The following UQCC1 variants were observed in gnomAD, a reference collection of about 807,000 sequenced individuals.
UQCC1 encodes the protein ubiquinol-cytochrome c reductase complex assembly factor 1.
Under a neutral mutation model 48.0 loss-of-function variants are expected in UQCC1, and 38 were observed. That is an observed-to-expected ratio of 0.79 (90% CI 0.61 to 1.04). The LOEUF (loss-of-function observed/expected upper bound fraction) is 1.04, where lower values mean the gene tolerates loss of function less well. Among genes scored for constraint, UQCC1 ranks in the 50% least tolerant of loss-of-function variants. The pLI, the probability that UQCC1 is intolerant of heterozygous loss-of-function variation, is 0.00. For missense variants in UQCC1, 368 were observed against 381.8 expected, an observed-to-expected ratio of 0.96 and a Z score of 0.30; for synonymous variants, 111 against 129.2, an observed-to-expected ratio of 0.86 and a Z score of 0.95.
chr20:35,304,131 G>T, intron 9 of UQCC1, 62 bp from the exon 10 acceptor site: 1 of 1,605,564 alleles, frequency 6.2e-7, no homozygotes, highest in Non-Finnish European at 8.5e-7. Flanking sequence ...AGGAGCCAGC[G>T]TCAGGAACCA....
intron 1 of UQCC1, among the ~76,000 whole-genome samples, chr20:35,410,725 C>T (rs7353185): frequency 4.5e-5 from 1 of 22,358 alleles, no homozygotes; most frequent in Non-Finnish European, 8.0e-5. Context: ...AAAAAAAAAA[C>T]AAAACCCTAA....
chr20:35,318,099 A>AT (rs1183217818), intron 7 of UQCC1, among the ~76,000 whole-genome samples: 2 of 152,236 alleles, frequency 1.3e-5, no homozygotes, highest in Non-Finnish European at 2.9e-5. Flanking sequence ...AACGGATGAT[A>AT]TCAGAGGTGT....
At position 35,347,151 on chromosome 20, in the gene UQCC1, A is replaced by G. The variant is rs1026142671; in HGVS notation, c.573+13T>C. 6.8e-6 allele frequency: 11 copies of G among 1,614,102 alleles called. No individual in the cohort carries two copies. The African/African-American group carries it at 1.2e-4, about 18-fold the overall frequency. On this transcript the variant is annotated intron_variant, in intron 7 of 9. Transcript: ENST00000374385. ...GAATTGTCCAGGACAAGCATCTGAC[A>G]GCACTCACTTACCCCCATGACTCTG...
chr20:35,376,565 C>A (rs775537158), intron 4 of UQCC1, among the ~76,000 whole-genome samples: 2 of 152,112 alleles, frequency 1.3e-5, no homozygotes, highest in Non-Finnish European at 2.9e-5. Flanking sequence ...CATGAACAGT[C>A]TTGTATCTAT....
Position 35,406,176 on chromosome 20 carries a change from A to C in UQCC1, c.24+5764T>G, listed in dbSNP as rs115253973. Among the ~76,000 whole-genome samples, 638 of 152,334 alleles carry C rather than the reference A, an allele frequency of 4.2e-3. 8 individuals carry two copies. Among genetic ancestry groups the C allele is most frequent in the African/African-American group, 0.015 (617 of 41,584 alleles). On this transcript the variant is annotated intron_variant, in intron 1 of 9. Transcript: ENST00000374385. ...TATGTATAATTAGAGTCTCAGAAGG[A>C]AAGAAAAGGACCGAAAAATATTTGA...
At chr20:35,305,531 A>G (rs939278987) in intron 9 of UQCC1, among the ~76,000 whole-genome samples, 1 of 152,254 alleles carries the variant, frequency 6.6e-6, no homozygotes, top group Non-Finnish European at 1.5e-5. Flanking sequence ...AGTCCAGTCA[A>G]CAGAGTATCA....
At chr20:35,363,390 T>C (rs1229863707) in intron 6 of UQCC1, among the ~76,000 whole-genome samples, 1 of 152,200 alleles carries the variant, frequency 6.6e-6, no homozygotes, top group Admixed American at 6.5e-5. Flanking sequence ...CAGTCAATAC[T>C]AATCTTGTTC....
chr20:35,411,899 G>T, intron 1 of UQCC1, 41 bp downstream of exon 1: 2 of 1,613,956 alleles, frequency 1.2e-6, no homozygotes, highest in Non-Finnish European at 1.7e-6. Flanking sequence ...CTCCAACCCG[G>T]GACCCAGAGA....
chr20:35,385,244 C>G lies in UQCC1; in HGVS notation c.130-1111G>C, dbSNP rs181897556. ...TATAAAGTGCCTTTCACAAAATAGG[C>G]ACTCAATAAATAGCAGAAGTTTCCA... On this transcript the variant is annotated intron_variant, in intron 2 of 9. Transcript: ENST00000374385. Among the ~76,000 whole-genome samples the G allele has an allele frequency of 2.0e-4, 30 of 152,304 alleles. No individual in the cohort carries two copies. In the East Asian group the frequency reaches 5.4e-3, roughly 27 times the overall value.
In UQCC1 at chr20:35,355,684, G is replaced by A. The variant is rs1029863522; in HGVS notation, c.465-8412C>T. 7.7e-4 allele frequency among the ~76,000 whole-genome samples: 117 copies of A among 152,242 alleles called. 2 individuals carry two copies. Among genetic ancestry groups the A allele is most frequent in the African/African-American group, 2.5e-3 (105 of 41,548 alleles). On this transcript the variant is annotated intron_variant, in intron 6 of 9. Coordinates refer to ENST00000374385, the MANE Select transcript of UQCC1 (RefSeq NM_018244.5). ...TTTTAAAAGGTAATACATGTACATAGTAATAAAAACCAAGTCTCCTTCCTA... is the reference window on the plus strand; with the variant it reads ...TTTTAAAAGGTAATACATGTACATAATAATAAAAACCAAGTCTCCTTCCTA...
At chr20:35,314,106 A>C (rs1300585140) in intron 8 of UQCC1, among the ~76,000 whole-genome samples, 3 of 152,008 alleles carry the variant, frequency 2.0e-5, no homozygotes, top group Non-Finnish European at 2.9e-5. Flanking sequence ...CTGGGATTAC[A>C]GGCACCCACC....
chr20:35,389,873 C>T (rs533368073), intron 2 of UQCC1, among the ~76,000 whole-genome samples: 2 of 152,144 alleles, frequency 1.3e-5, no homozygotes, highest in Non-Finnish European at 2.9e-5. Flanking sequence ...GATATTTGTA[C>T]ACTGACATTC....
At position 35,345,443 on chromosome 20, in the gene UQCC1, C is replaced by A. The variant is rs571686158; in HGVS notation, c.573+1721G>T. ...TTTGCTGTGTGGGGAGAAACTCCCA[C>A]AAATGTGTCACAGAAACCTTCTGTG... On this transcript the variant is annotated intron_variant, in intron 7 of 9. Transcript: ENST00000374385. 7 of 152,254 alleles carry A rather than the reference C, an allele frequency of 4.6e-5. No homozygotes were observed. In the South Asian group the frequency reaches 1.5e-3, roughly 32 times the overall value. 9.4% of individuals were successfully genotyped at this position (152,254 alleles called of 1,614,324 possible).
chr20:35,362,004 C>A (rs1012110743), intron 6 of UQCC1, among the ~76,000 whole-genome samples: 1 of 152,124 alleles, frequency 6.6e-6, no homozygotes, highest in Non-Finnish European at 1.5e-5. Context: ...ACTAGTGCTC[C>A]ATGACAATTT....
rs755682450 is a variant in UQCC1 at position 35,411,934 on chromosome 20, A to G, written c.24+6T>C. 1.9e-6 allele frequency: 3 copies of G among 1,613,900 alleles called. No individual in the cohort carries two copies. The highest frequency in any genetic ancestry group is 2.5e-6 in the Non-Finnish European group (3 of 1,179,960). ...AGCTACCGTAGAAAATTACTCCTTCACTCACAAGGACTCGCACCAGCAACG... is the reference window on the plus strand; with the variant it reads ...AGCTACCGTAGAAAATTACTCCTTCGCTCACAAGGACTCGCACCAGCAACG... On this transcript the variant is annotated splice_donor_region_variant and intron_variant, in intron 1 of 9. Transcript: ENST00000374385.
At chr20:35,324,544 T>G (rs1293010441) in intron 7 of UQCC1, among the ~76,000 whole-genome samples, 1 of 152,118 alleles carries the variant, frequency 6.6e-6, no homozygotes, top group Non-Finnish European at 1.5e-5. Context: ...GCCAGGATGG[T>G]CTCGATCTCC....
chr20:35,310,740 T>C (rs539513239), intron 8 of UQCC1, among the ~76,000 whole-genome samples: 1 of 134,304 alleles, frequency 7.4e-6, no homozygotes, highest in South Asian at 2.8e-4. Context: ...TCACCCAGGC[T>C]GGAGTGCAGT....
chr20:35,374,689 C>G (rs2061775865), intron 4 of UQCC1, among the ~76,000 whole-genome samples: 2 of 152,096 alleles, frequency 1.3e-5, no homozygotes, highest in African/African-American at 2.4e-5. Flanking sequence ...CTCAGAGGCA[C>G]TACTATCTAT....
At chr20:35,315,837 G>C (rs2061051752) in intron 7 of UQCC1, among the ~76,000 whole-genome samples, 1 of 152,164 alleles carries the variant, frequency 6.6e-6, no homozygotes, top group South Asian at 2.1e-4. Context: ...AGTGAGCCAG[G>C]ATCGCGCCAC....
Sources: gnomAD v4.1 joint callset for allele counts (sites outside exome capture counted in the v4.1 genomes callset) on GRCh38, gnomAD v4.1.1 for gene constraint, MANE v1.5 for transcripts, NCBI Gene and HGNC (gene_info 2026-07-23, HGNC 2026-07-21) for gene names.